Variants in ARAP2 observed in about 807,000 individuals in gnomAD.
The protein encoded by ARAP2 is ArfGAP with RhoGAP domain, ankyrin repeat and PH domain 2.
Under a neutral mutation model 194.5 loss-of-function variants are expected in ARAP2, and 148 were observed. The observed-to-expected ratio is 0.76, with a 90% CI of 0.67 to 0.87. The LOEUF (loss-of-function observed/expected upper bound fraction) is 0.87, where lower values mean the gene tolerates loss of function less well. Ranked by LOEUF, ARAP2 falls within the 40% of genes least tolerant of loss-of-function variation. The pLI, the probability that ARAP2 is intolerant of heterozygous loss-of-function variation, is 0.00. For missense variants in ARAP2, 2,128 were observed against 1,989.7 expected, an observed-to-expected ratio of 1.07 and a Z score of -1.32; for synonymous variants, 695 against 683.5, an observed-to-expected ratio of 1.02 and a Z score of -0.26.
At chr4:36,165,301 A>G (rs978872315) in intron 10 of ARAP2, among the ~76,000 whole-genome samples, 188 bp from the exon 11 acceptor site, 2 of 152,134 alleles carry the variant, frequency 1.3e-5, no homozygotes, top group Admixed American at 6.5e-5. Flanking sequence ...TTAATTTTCC[A>G]CACTGTTTAT....
intron 5 of ARAP2, among the ~76,000 whole-genome samples, chr4:36,033,555 T>G (rs1264233611): frequency 1.3e-5 from 2 of 148,792 alleles, no homozygotes; most frequent in Non-Finnish European, 3.0e-5. Context: ...TAGACCTTTA[T>G]CAGATGCACA....
chr4:36,104,176 G>A (rs568175825), intron 27 of ARAP2, among the ~76,000 whole-genome samples: 1 of 148,732 alleles, frequency 6.7e-6, no homozygotes, highest in Non-Finnish European at 1.5e-5. Context: ...GAGAAAAAAT[G>A]TGGTTGCAAC....
intron 3 of ARAP2, 111 bp downstream of exon 3, chr4:36,214,311 T>C (rs981632534): frequency 7.0e-6 from 5 of 718,914 alleles, no homozygotes; most frequent in African/African-American, 5.6e-5. Flanking sequence ...AGACAGTTAT[T>C]TCCATTGTTC....
intron 10 of ARAP2, 44 bp from the exon 11 acceptor site, chr4:36,165,157 G>T (rs1166719191): frequency 6.3e-7 from 1 of 1,584,682 alleles, no homozygotes; most frequent in South Asian, 1.1e-5. Context: ...CCCTTGTAAA[G>T]GCCAATTAAG....
At chr4:36,085,799 T>A (rs1031607005) in intron 28 of ARAP2, among the ~76,000 whole-genome samples, 2 of 152,144 alleles carry the variant, frequency 1.3e-5, no homozygotes, top group African/African-American at 2.4e-5. Flanking sequence ...AACATCAATT[T>A]TACTCCTATC....
intron 2 of ARAP2, among the ~76,000 whole-genome samples, chr4:36,054,271 G>A (rs1413242321): frequency 6.6e-6 from 1 of 152,114 alleles, no homozygotes; most frequent in Admixed American, 6.6e-5. Flanking sequence ...CTCTGTGTCT[G>A]GACCAGAGAG....
intron 32 of ARAP2, among the ~76,000 whole-genome samples, chr4:36,071,408 C>T (rs1285886117): frequency 6.6e-6 from 1 of 152,128 alleles, no homozygotes; most frequent in African/African-American, 2.4e-5. Flanking sequence ...TTCTGTTTGC[C>T]TCTTCATGTG....
chr4:36,177,753 A>G, intron 9 of ARAP2, 74 bp downstream of exon 9: 1 of 1,404,008 alleles, frequency 7.1e-7, no homozygotes, highest in Non-Finnish European at 9.5e-7. Context: ...AATCACTAAT[A>G]ATCCTTCCAA....
intron 9 of ARAP2, among the ~76,000 whole-genome samples, chr4:36,008,654 T>C (rs1375530674): frequency 6.6e-6 from 1 of 151,552 alleles, no homozygotes; most frequent in Non-Finnish European, 1.5e-5. Flanking sequence ...TATGGACAAA[T>C]CCTCAAACAA....
intron 5 of ARAP2, among the ~76,000 whole-genome samples, chr4:36,044,969 T>A (rs1301545318): frequency 6.6e-6 from 1 of 152,000 alleles, no homozygotes; most frequent in East Asian, 1.9e-4. Flanking sequence ...TCACTAATCA[T>A]CAGGGGAATA....
Position 36,101,194 on chromosome 4 carries a change from C to G in ARAP2, c.4285+6371G>C, listed in dbSNP as rs193057588. 5.9e-5 allele frequency among the ~76,000 whole-genome samples: 9 copies of G among 152,012 alleles called. No individual in the cohort carries two copies. The East Asian group carries it at 1.4e-3, about 23-fold the overall frequency. ...GAGCATCTGCAGATTTTGGTATCCA[C>G]GACAAGCAGGTGGCAGGGGGGAGAC... On this transcript the variant is annotated intron_variant, in intron 27 of 32. Coordinates refer to ENST00000303965, the MANE Select transcript of ARAP2 (RefSeq NM_015230.4).
intron 1 of ARAP2, among the ~76,000 whole-genome samples, chr4:36,240,906 A>T (rs991695396): frequency 6.6e-6 from 1 of 152,234 alleles, no homozygotes; most frequent in Non-Finnish European, 1.5e-5. Flanking sequence ...ATAAGAACAT[A>T]TTAGTAGCAT....
intron 2 of ARAP2, among the ~76,000 whole-genome samples, chr4:36,218,390 C>T (rs1748445156): frequency 6.6e-6 from 1 of 151,924 alleles, no homozygotes; most frequent in Non-Finnish European, 1.5e-5. Flanking sequence ...ACCTGTGACA[C>T]AAGTTTACTT....
At chr4:36,027,318 C>G (rs964838460) in intron 5 of ARAP2, among the ~76,000 whole-genome samples, 3 of 151,862 alleles carry the variant, frequency 2.0e-5, no homozygotes, top group Admixed American at 6.6e-5. Flanking sequence ...GAGATTCTAA[C>G]CTAAATCCAT....
chr4:36,121,555 A>G (rs1299278660), intron 22 of ARAP2, among the ~76,000 whole-genome samples: 1 of 151,824 alleles, frequency 6.6e-6, no homozygotes, highest in African/African-American at 2.4e-5. Context: ...ACAAAGTCAT[A>G]CTTAATTGTT....
At chr4:36,056,097 T>A (rs1723459320) in intron 2 of ARAP2, among the ~76,000 whole-genome samples, 1 of 152,238 alleles carries the variant, frequency 6.6e-6, no homozygotes, top group Non-Finnish European at 1.5e-5. Flanking sequence ...TTAATACAAA[T>A]GTACTCAAGT....
At chr4:36,211,696 A>G (rs1163507898) in intron 5 of ARAP2, among the ~76,000 whole-genome samples, 1 of 152,110 alleles carries the variant, frequency 6.6e-6, no homozygotes, top group East Asian at 1.9e-4. Flanking sequence ...TCCCACTAAA[A>G]AGTATAATTA....
chr4:36,117,407 C>T lies in ARAP2; in HGVS notation c.3964-272G>A, dbSNP rs376331903. On this transcript the variant is annotated intron_variant, in intron 24 of 32. Coordinates refer to ENST00000303965, the MANE Select transcript of ARAP2 (RefSeq NM_015230.4). ...GAGCTTAGTACTCTCAAATACCTTA[C>T]ATTTTTCCTAAAATAATGAATCCAG... 3.3e-5 allele frequency among the ~76,000 whole-genome samples: 5 copies of T among 151,786 alleles called. No homozygotes were observed. The South Asian group carries it at 6.2e-4, about 19-fold the overall frequency.
At chr4:36,115,311 A>G (rs1399773107) in intron 25 of ARAP2, among the ~76,000 whole-genome samples, 1 of 152,032 alleles carries the variant, frequency 6.6e-6, no homozygotes, top group African/African-American at 2.4e-5. Context: ...TAAAAGAAAA[A>G]AACTTGTTAT....
Sources: gnomAD v4.1 joint callset for allele counts (sites outside exome capture counted in the v4.1 genomes callset) on GRCh38, gnomAD v4.1.1 for gene constraint, MANE v1.5 for transcripts, NCBI Gene and HGNC (gene_info 2026-07-23, HGNC 2026-07-21) for gene names.